FGF14: variants seen among roughly 807,000 people sequenced by gnomAD.
FGF14 encodes fibroblast growth factor homologous factor 4.
A neutral mutation model predicts 25.5 loss-of-function variants in FGF14; 5 were observed. The ratio of observed to expected loss-of-function variants is 0.20; its 90% CI spans 0.10 to 0.41. The LOEUF is 0.41. Among genes scored for constraint, FGF14 ranks in the 10% least tolerant of loss-of-function variants. The pLI is 1.00. For synonymous variants in FGF14, 138 were observed against 118.3 expected (o/e 1.17, Z -1.08); for missense variants, 222 against 320.1 (o/e 0.69, Z 2.34).
intron 3 of FGF14, among the ~76,000 whole-genome samples, chr13:101,775,163 T>C (rs2039026112): frequency 6.6e-6 from 1 of 152,100 alleles, no homozygotes; most frequent in African/African-American, 2.4e-5. Context: ...ATTAATCACA[T>C]CAGTTTATAA....
chr13:102,156,993 G>T (rs571538226), intron 1 of FGF14, among the ~76,000 whole-genome samples: 1 of 152,036 alleles, frequency 6.6e-6, no homozygotes, highest in Admixed American at 6.6e-5. Context: ...AACCACTGCT[G>T]AATGAAATAA....
Position 101,868,768 on chromosome 13 carries a change from CCT to C in FGF14, c.363_364del (p.Gly122ValfsTer20). ...TTCTCCATTCATGGCTATATACAAC[CCT>C]GTTTTCACTCCCTGGATGGCAACAA... On this transcript the variant is annotated frameshift_variant, in exon 3 of 5. Coordinates refer to ENST00000376143, the MANE Select transcript of FGF14 (RefSeq NM_004115.4). LOFTEE classifies it high-confidence loss of function. 6.2e-7 allele frequency: 1 copy of C among 1,613,648 alleles called. No homozygotes were observed. The highest frequency in any genetic ancestry group is 8.5e-7 in the Non-Finnish European group (1 of 1,179,674).
At chr13:101,773,352 C>T (rs979545593) in intron 3 of FGF14, among the ~76,000 whole-genome samples, 4 of 152,116 alleles carry the variant, frequency 2.6e-5, no homozygotes, top group African/African-American at 9.7e-5. Context: ...AATAGGAAAT[C>T]TAATCTGCGA....
At chr13:101,886,786 A>G (rs1489741059) in intron 1 of FGF14, among the ~76,000 whole-genome samples, 1 of 152,192 alleles carries the variant, frequency 6.6e-6, no homozygotes, top group African/African-American at 2.4e-5. Context: ...ATATTTGCCA[A>G]CTATCTATCT....
At chr13:102,262,303 A>C (rs996145518) in intron 1 of FGF14, among the ~76,000 whole-genome samples, 1 of 152,200 alleles carries the variant, frequency 6.6e-6, no homozygotes, top group Non-Finnish European at 1.5e-5. Flanking sequence ...TTTGCTATCT[A>C]CAATGGAAAT....
At chr13:101,962,871 C>CGTGAAGA (rs1290942258) in intron 1 of FGF14, among the ~76,000 whole-genome samples, 2 of 152,138 alleles carry the variant, frequency 1.3e-5, no homozygotes, top group Non-Finnish European at 2.9e-5. Context: ...TGTCCTTTGC[C>CGTGAAGA]GTGAAGATTA....
At position 102,027,012 on chromosome 13, in the gene FGF14, A is replaced by C. The variant is rs371079320; in HGVS notation, c.209-151716T>G. 3.3e-5 allele frequency among the ~76,000 whole-genome samples: 5 copies of C among 152,128 alleles called. No individual in the cohort carries two copies. In the East Asian group the frequency reaches 5.8e-4, roughly 18 times the overall value. On this transcript the variant is annotated intron_variant, in intron 1 of 4. Coordinates refer to the FGF14 transcript ENST00000376131. Reference sequence around the variant, plus strand: ...ACTCATAAACCTAAAGGGGCTGTCTAAGAAATGAGAATAACTAGAACTTGA... The same window carrying C: ...ACTCATAAACCTAAAGGGGCTGTCTCAGAAATGAGAATAACTAGAACTTGA...
intron 1 of FGF14, among the ~76,000 whole-genome samples, chr13:102,166,269 TTTTA>T (rs1167333921): frequency 6.6e-6 from 1 of 151,976 alleles, no homozygotes; most frequent in African/African-American, 2.4e-5. Flanking sequence ...ATTCACTTTA[TTTTA>T]TTTTATATTT....
At chr13:101,880,865 T>C (rs1594589644) in intron 1 of FGF14, among the ~76,000 whole-genome samples, 1 of 152,208 alleles carries the variant, frequency 6.6e-6, no homozygotes, top group Non-Finnish European at 1.5e-5. Flanking sequence ...TGGCTATATA[T>C]CTATAAATGG....
chr13:101,976,414 C>T (rs1013017973), intron 1 of FGF14, among the ~76,000 whole-genome samples: 1 of 152,040 alleles, frequency 6.6e-6, no homozygotes, highest in Non-Finnish European at 1.5e-5. Context: ...CTTCAATAAC[C>T]ATAATTACAA....
intron 1 of FGF14, among the ~76,000 whole-genome samples, chr13:102,393,536 A>T (rs1566984163): frequency 2.0e-5 from 3 of 152,208 alleles, no homozygotes; most frequent in Non-Finnish European, 1.5e-5. Flanking sequence ...TTTTCCCAAT[A>T]GCATGGATAT....
chr13:102,131,816 C>T (rs1362725062), intron 1 of FGF14, among the ~76,000 whole-genome samples: 3 of 152,136 alleles, frequency 2.0e-5, no homozygotes, highest in African/African-American at 7.2e-5. Flanking sequence ...AATGTTCAAA[C>T]TCACTGGTAA....
At chr13:102,024,556 A>G (rs1248468385) in intron 1 of FGF14, among the ~76,000 whole-genome samples, 1 of 151,996 alleles carries the variant, frequency 6.6e-6, no homozygotes. Flanking sequence ...CTTCCATAAT[A>G]TGAAGCGTTT....
rs577530039 is a variant in FGF14 at position 101,984,360 on chromosome 13, C to T, written c.209-109064G>A. Among the ~76,000 whole-genome samples, 5 of 152,084 alleles carry T rather than the reference C, an allele frequency of 3.3e-5. No homozygotes were observed. The East Asian group carries it at 7.7e-4, about 23-fold the overall frequency. On this transcript the variant is annotated intron_variant, in intron 1 of 4. Coordinates refer to the FGF14 transcript ENST00000376131. ...TTAATTCAACCATCAATTGTAACCA[C>T]GAACATTAAACAATATTGATAAATC...
At chr13:102,263,070 G>T in intron 1 of FGF14, 1 of 650,576 alleles carries the variant, frequency 1.5e-6, no homozygotes, top group African/African-American at 1.8e-5. Context: ...CTTTTCCAAT[G>T]TCTCCTTTTG....
intron 1 of FGF14, among the ~76,000 whole-genome samples, chr13:101,993,490 T>G (rs1374429365): frequency 6.6e-6 from 1 of 152,046 alleles, no homozygotes; most frequent in African/African-American, 2.4e-5. Context: ...TTCAAAATAT[T>G]TTTAGCAACA....
intron 1 of FGF14, among the ~76,000 whole-genome samples, chr13:101,907,860 T>C (rs1179437157): frequency 6.6e-6 from 1 of 152,070 alleles, no homozygotes; most frequent in East Asian, 1.9e-4. Context: ...GTAGGAGAGA[T>C]GGTCTAATGC....
At chr13:102,336,443 A>C (rs2138868598) in intron 1 of FGF14, among the ~76,000 whole-genome samples, 1 of 152,302 alleles carries the variant, frequency 6.6e-6, no homozygotes, top group Middle Eastern at 3.4e-3. Flanking sequence ...AGAATTAAAA[A>C]TGGAAGCTAA....
chr13:102,036,221 T>C (rs1417849096), intron 1 of FGF14, among the ~76,000 whole-genome samples: 1 of 152,126 alleles, frequency 6.6e-6, no homozygotes, highest in African/African-American at 2.4e-5. Context: ...GATATGTCCA[T>C]CACATTTCTT....
Sources: allele counts gnomAD v4.1 joint callset (sites outside exome capture counted in the v4.1 genomes callset), GRCh38; gene constraint gnomAD v4.1.1; transcripts MANE v1.5; gene names NCBI Gene and HGNC (gene_info 2026-07-23, HGNC 2026-07-21).